Variants in UTP18 observed in about 807,000 individuals in gnomAD.
UTP18 encodes the protein U3 small nucleolar RNA-associated protein 18 homolog.
UTP18 carries 36 observed loss-of-function variants against 61.1 expected under a neutral mutation model. That is an observed-to-expected ratio of 0.59 (90% confidence interval 0.45 to 0.78). The LOEUF (loss-of-function observed/expected upper bound fraction) is 0.78, where lower values mean the gene tolerates loss of function less well. Among genes scored for constraint, UTP18 ranks in the 30% least tolerant of loss-of-function variants. UTP18 has a pLI of 0.00. For synonymous variants in UTP18, 282 were observed against 251.1 expected, an observed-to-expected ratio of 1.12 and a Z score of -1.16; for missense variants, 753 against 693.9, an observed-to-expected ratio of 1.09 and a Z score of -0.96.
At position 51,285,294 on chromosome 17, in the gene UTP18, C is replaced by T; in HGVS notation, c.1254C>T (p.Asn418=). ...ATGTGAACTCAAGGAAGTGCCTTAA[C>T]AGATTTGTTGATGAAGGCAGTTTAT... ...VWDVNSRKCL[N]RFVDEGSLYG... is the part of the protein sequence containing the mutation. The change falls in exon 10 of 14, where the codon AAC becomes AAT. Residue 418 remains asparagine, a synonymous_variant. Transcript: ENST00000225298. 7 of 1,611,900 alleles carry T rather than the reference C, an allele frequency of 4.3e-6. No homozygotes were observed. The highest frequency in any genetic ancestry group is 5.9e-6 in the Non-Finnish European group (7 of 1,179,006).
At chr17:51,266,717 A>G (rs990302426) in intron 3 of UTP18, among the ~76,000 whole-genome samples, 5 of 152,204 alleles carry the variant, frequency 3.3e-5, no homozygotes, top group Admixed American at 3.3e-4. Flanking sequence ...GTCAATGTGC[A>G]TCTCTTAAGA....
chr17:51,284,674 A>G (rs1050774537), intron 9 of UTP18, among the ~76,000 whole-genome samples: 3 of 152,214 alleles, frequency 2.0e-5, no homozygotes, highest in African/African-American at 7.2e-5. Flanking sequence ...AACTCAAACC[A>G]ACAGCTTGTG....
Position 51,266,270 on chromosome 17 carries a change from C to A in UTP18, c.544C>A (p.Leu182Ile). The A allele has an allele frequency of 6.3e-7, 1 of 1,593,182 alleles. No homozygotes were observed. The change falls in exon 3 of 14, where the codon CTT (leucine) becomes ATT (isoleucine). Residue 182 changes from leucine (L) to isoleucine (I), a missense_variant. Physicochemically the swap from Leu to Ile is conservative, Grantham distance 5. Coordinates refer to ENST00000225298, the MANE Select transcript of UTP18 (RefSeq NM_016001.3). ...KLSKDNLKKR[L>I]KEEFQHAMGG... ...TTCGAAAGACAACCTTAAAAAGAGA[C>A]TTAAAGAAGAGTAAGTGTCTTTTTT...
At chr17:51,263,508 T>A in intron 2 of UTP18, 122 bp downstream of exon 2, 2 of 773,318 alleles carry the variant, frequency 2.6e-6, no homozygotes, top group Non-Finnish European at 4.1e-6. Flanking sequence ...TATTTGAAAG[T>A]ATAGAAAAGA....
Position 51,260,629 on chromosome 17 carries a change from C to A in UTP18, c.45C>A (p.Thr15=), listed in dbSNP as rs759319588. 1 of 1,612,646 alleles carries A rather than the reference C, an allele frequency of 6.2e-7. No homozygotes were observed. Among genetic ancestry groups the A allele is most frequent in the East Asian group, 2.2e-5 (1 of 44,822 alleles). ...GACGAATGAAACTGGACCGGAGAAC[C>A]GGAGCGAAGCCGAAGCGGAAGCCCG... The part of the protein sequence containing the change: ...RRRRMKLDRR[T]GAKPKRKPGM... Residue 15 remains threonine, a synonymous_variant, in exon 1 of 14, where the codon ACC becomes ACA. Coordinates refer to ENST00000225298, the MANE Select transcript of UTP18 (RefSeq NM_016001.3).
intron 12 of UTP18, 86 bp downstream of exon 12, chr17:51,294,131 C>T: frequency 8.6e-7 from 1 of 1,156,382 alleles, no homozygotes; most frequent in Non-Finnish European, 1.1e-6. Context: ...CCTAATTCTA[C>T]AGTTAATAAA....
intron 9 of UTP18, among the ~76,000 whole-genome samples, chr17:51,280,982 A>T (rs894714384): frequency 5.3e-5 from 8 of 151,718 alleles, no homozygotes; most frequent in Admixed American, 1.3e-4. Flanking sequence ...GTTTAAGACC[A>T]GCCTGGCCAA....
chr17:51,272,095 T>A (rs1904548904), intron 4 of UTP18, among the ~76,000 whole-genome samples: 1 of 151,994 alleles, frequency 6.6e-6, no homozygotes, highest in African/African-American at 2.4e-5. Context: ...GTTTTTTTTG[T>A]TGTTGTTGTT....
intron 1 of UTP18, among the ~76,000 whole-genome samples, chr17:51,262,655 C>T (rs1295664376): frequency 6.6e-6 from 1 of 152,108 alleles, no homozygotes; most frequent in Admixed American, 6.5e-5. Flanking sequence ...TCAAGTGATC[C>T]TCCTGCCTCT....
rs377481778 is a variant in UTP18, at chr17:51,279,552, C to T, written c.1013-453C>T. ...AGTTAAAGATGAGATTCCTGTCCATCATGAGCTGCTTAGTAAGTGGCCAGC... is the reference window on the plus strand; with the variant it reads ...AGTTAAAGATGAGATTCCTGTCCATTATGAGCTGCTTAGTAAGTGGCCAGC... On this transcript the variant is annotated intron_variant, in intron 7 of 13. Coordinates refer to ENST00000225298, the MANE Select transcript of UTP18 (RefSeq NM_016001.3). 3.3e-5 allele frequency among the ~76,000 whole-genome samples: 5 copies of T among 151,530 alleles called. No individual in the cohort carries two copies. In the South Asian group the frequency reaches 1.0e-3, roughly 32 times the overall value.
At position 51,285,360 on chromosome 17, in the gene UTP18, T is replaced by A; in HGVS notation, c.1320T>A (p.Val440=). Reference sequence around the variant, plus strand: ...CCACATCTAGGAATGGACAGTATGTTGCTTGTGGGTAAGTAAAGAGAGGTT... The same window carrying A: ...CCACATCTAGGAATGGACAGTATGTAGCTTGTGGGTAAGTAAAGAGAGGTT... ...SIATSRNGQY[V]ACGSNCGVVN... is the part of the protein sequence containing the mutation. Residue 440 remains valine, a synonymous_variant, in exon 10 of 14, where the codon GTT becomes GTA. Transcript: ENST00000225298. 1 of 1,613,284 alleles carries A rather than the reference T, an allele frequency of 6.2e-7. No individual in the cohort carries two copies. Among genetic ancestry groups the A allele is most frequent in the Admixed American group, 1.7e-5 (1 of 59,996 alleles).
intron 11 of UTP18, among the ~76,000 whole-genome samples, chr17:51,290,579 A>G (rs1905215428): frequency 6.6e-6 from 1 of 152,228 alleles, no homozygotes; most frequent in Non-Finnish European, 1.5e-5. Flanking sequence ...GTGGTATACT[A>G]GTAATATTAA....
At chr17:51,270,151 T>A (rs1224501148) in intron 4 of UTP18, among the ~76,000 whole-genome samples, 1 of 152,204 alleles carries the variant, frequency 6.6e-6, no homozygotes, top group East Asian at 1.9e-4. Flanking sequence ...TACTTTTTAC[T>A]AAACTGTTTT....
rs575455299 is a variant in UTP18 at position 51,268,531 on chromosome 17, A to G, written c.555-306A>G. ...AAAGAGACTTCTTTACATAGTCCTGATATCTGGGATGTGTTGATATGAACA... is the reference window on the plus strand; with the variant it reads ...AAAGAGACTTCTTTACATAGTCCTGGTATCTGGGATGTGTTGATATGAACA... On this transcript the variant is annotated intron_variant, in intron 3 of 13. Coordinates refer to ENST00000225298, the MANE Select transcript of UTP18 (RefSeq NM_016001.3). Among the ~76,000 whole-genome samples, 5 of 152,352 alleles carry G rather than the reference A, an allele frequency of 3.3e-5. No individual in the cohort carries two copies. In the East Asian group the frequency reaches 9.6e-4, roughly 29 times the overall value.
At chr17:51,288,505 C>T (rs867255362) in intron 11 of UTP18, 1 of 471,590 alleles carries the variant, frequency 2.1e-6, no homozygotes, top group Middle Eastern at 3.3e-4. Context: ...AAGGCAGACA[C>T]TTCATTCCTT....
intron 11 of UTP18, chr17:51,288,430 A>T (rs1905167794): frequency 1.9e-6 from 1 of 521,598 alleles, no homozygotes; most frequent in Non-Finnish European, 3.5e-6. Context: ...GTCCATTCTC[A>T]CCATTCCTAA....
Position 51,260,741 on chromosome 17 carries a change from C to T in UTP18, c.157C>T (p.Arg53Trp). 6.3e-7 allele frequency: 1 copy of T among 1,584,386 alleles called. No homozygotes were observed. Among genetic ancestry groups the T allele is most frequent in the South Asian group, 1.1e-5 (1 of 88,320 alleles). The change falls in exon 1 of 14, where the codon CGG (arginine) becomes TGG (tryptophan). Residue 53 changes from arginine to tryptophan, a missense_variant. Arg to Trp is a moderately radical substitution (Grantham distance 101, BLOSUM62 -3). Coordinates refer to ENST00000225298, the MANE Select transcript of UTP18 (RefSeq NM_016001.3). ...APSSQRKPPARPSAAAAAIAV... is the reference protein window; with the variant it reads ...APSSQRKPPAWPSAAAAAIAV... ...TTCATCCCAGCGGAAACCGCCGGCCCGGCCGAGCGCGGCGGCCGCTGCGAT... is the reference window on the plus strand; with the variant it reads ...TTCATCCCAGCGGAAACCGCCGGCCTGGCCGAGCGCGGCGGCCGCTGCGAT...
At position 51,260,872 on chromosome 17, in the gene UTP18, C is replaced by G. The variant is rs1247585898; in HGVS notation, c.288C>G (p.Phe96Leu). ...AGCGGTGCTTGGAGGAGCTGGTCTT[C>G]GGCGACGTCGAGAACGACGAGGACG... ...AVERCLEELV[F>L]GDVENDEDAL... The change falls in exon 1 of 14, where the codon TTC (phenylalanine) becomes TTG (leucine). Residue 96 changes from phenylalanine to leucine, a missense_variant. By Grantham distance (22) the Phe-to-Leu change is conservative. Coordinates refer to ENST00000225298, the MANE Select transcript of UTP18 (RefSeq NM_016001.3). 2 of 1,601,438 alleles carry G rather than the reference C, an allele frequency of 1.2e-6. No homozygotes were observed. Among genetic ancestry groups the G allele is most frequent in the Admixed American group, 3.4e-5 (2 of 58,820 alleles).
chr17:51,270,071 G>T (rs562548460), intron 4 of UTP18, among the ~76,000 whole-genome samples: 1 of 152,254 alleles, frequency 6.6e-6, no homozygotes, highest in South Asian at 2.1e-4. Context: ...GGCCAGGCTG[G>T]TCTTGAACTC....
Sources: gnomAD v4.1 joint callset for allele counts (sites outside exome capture counted in the v4.1 genomes callset) on GRCh38, gnomAD v4.1.1 for gene constraint, MANE v1.5 for transcripts, NCBI Gene and HGNC (gene_info 2026-07-23, HGNC 2026-07-21) for gene names.